Variants in ATP6V1C1 observed in about 807,000 individuals in gnomAD.
The protein encoded by ATP6V1C1 is V-type proton ATPase subunit C 1.
A neutral mutation model predicts 53.9 loss-of-function variants in ATP6V1C1; 45 were observed. The observed-to-expected ratio is 0.83, with a 90% confidence interval of 0.66 to 1.07. ATP6V1C1 has a LOEUF of 1.07. ATP6V1C1 is among the 50% of genes least tolerant of loss of function. The pLI, the probability that ATP6V1C1 is intolerant of heterozygous loss-of-function variation, is 0.00. For missense variants in ATP6V1C1, 315 were observed against 440.3 expected (o/e 0.72, Z 2.55); for synonymous variants, 153 against 155.2 (o/e 0.99, Z 0.11).
chr8:103,063,348 T>C lies in ATP6V1C1; in HGVS notation c.828+120T>C, dbSNP rs565091676. 3.2e-3 allele frequency: 2,061 copies of C among 648,658 alleles called. 12 individuals are homozygous for C. Among genetic ancestry groups the C allele is most frequent in the Non-Finnish European group, 3.9e-3 (1,552 of 392,968 alleles). 40.2% of individuals were successfully genotyped at this position (648,658 alleles called of 1,614,324 possible). A position where few individuals can be genotyped will look rare whatever the true frequency, so the allele number is the denominator to read the frequency against. ...GGTTTTAAGACATTTGATTTTAGTTTTTTTTTTTAATTGAATAATCAGAAT... is the reference window on the plus strand; with the variant it reads ...GGTTTTAAGACATTTGATTTTAGTTCTTTTTTTTAATTGAATAATCAGAAT... On this transcript the variant is annotated intron_variant, in intron 10 of 12. Transcript: ENST00000518738.
At position 103,055,407 on chromosome 8, in the gene ATP6V1C1, A is replaced by C. The variant is rs1284671154; in HGVS notation, c.573-461A>C. On this transcript the variant is annotated intron_variant, in intron 7 of 12. Transcript: ENST00000518738. ...GGTTGTTGCACAATGTTTTGTGGCA[A>C]CATAGTTTACTGTCACTTCATTTAC... 2.0e-5 allele frequency among the ~76,000 whole-genome samples: 3 copies of C among 152,148 alleles called. No homozygotes were observed. The East Asian group carries it at 5.8e-4, about 29-fold the overall frequency.
At chr8:103,022,049 A>G (rs1816606536) in intron 1 of ATP6V1C1, among the ~76,000 whole-genome samples, 1 of 152,186 alleles carries the variant, frequency 6.6e-6, no homozygotes, top group Non-Finnish European at 1.5e-5. Context: ...GTTGGAGAGA[A>G]AAGTCTACAC....
intron 1 of ATP6V1C1, among the ~76,000 whole-genome samples, chr8:103,035,452 T>C (rs1365754817): frequency 6.6e-5 from 10 of 152,200 alleles, no homozygotes; most frequent in Admixed American, 3.9e-4. Flanking sequence ...CTCTTCAGGA[T>C]TTCTCAGTAA....
At chr8:103,058,330 T>C (rs1015377773) in intron 8 of ATP6V1C1, among the ~76,000 whole-genome samples, 47 of 152,190 alleles carry the variant, frequency 3.1e-4, no homozygotes, top group African/African-American at 9.7e-4. Flanking sequence ...TCAAAGTACA[T>C]TTGGAATCAC....
At chr8:103,026,076 C>T (rs1240889915) in intron 1 of ATP6V1C1, among the ~76,000 whole-genome samples, 1 of 152,206 alleles carries the variant, frequency 6.6e-6, no homozygotes, top group Non-Finnish European at 1.5e-5. Context: ...CACTGGGTCA[C>T]CGCTGAGTTG....
intron 1 of ATP6V1C1, among the ~76,000 whole-genome samples, chr8:103,039,850 C>T (rs192111120): frequency 5.3e-5 from 8 of 151,952 alleles, no homozygotes; most frequent in East Asian, 1.9e-4. Flanking sequence ...GTTATATTAA[C>T]GCCACCCTCT....
chr8:103,066,557 T>A, intron 12 of ATP6V1C1, 110 bp downstream of exon 12: 1 of 1,233,598 alleles, frequency 8.1e-7, no homozygotes, highest in Non-Finnish European at 1.1e-6. Flanking sequence ...TTAATCATTT[T>A]TTATTACTTT....
At chr8:103,034,217 C>T (rs985781437) in intron 1 of ATP6V1C1, among the ~76,000 whole-genome samples, 2 of 152,282 alleles carry the variant, frequency 1.3e-5, no homozygotes, top group South Asian at 4.1e-4. Flanking sequence ...AGACCTGGAT[C>T]TGAGCCTTGA....
chr8:103,040,744 C>A, intron 1 of ATP6V1C1, 54 bp from the exon 2 acceptor site: 1 of 1,466,846 alleles, frequency 6.8e-7, no homozygotes, highest in Non-Finnish European at 9.2e-7. Context: ...TTCTGAAACA[C>A]TTTAGAAACA....
rs768680052 is a variant in ATP6V1C1, at chr8:103,040,788, T to C, written c.-39-10T>C. 1.3e-6 allele frequency: 2 copies of C among 1,578,324 alleles called. No homozygotes were observed. Among genetic ancestry groups the C allele is most frequent in the Non-Finnish European group, 1.7e-6 (2 of 1,163,048 alleles). Reference sequence around the variant, plus strand: ...TAAATGTGATTTTTTTTATTTGTTTTACATTTCAGAATCTCTCTTGATTTT... The same window carrying C: ...TAAATGTGATTTTTTTTATTTGTTTCACATTTCAGAATCTCTCTTGATTTT... On this transcript the variant is annotated splice_polypyrimidine_tract_variant and intron_variant, in intron 1 of 12. Transcript: ENST00000518738.
At chr8:103,056,710 C>A (rs1321385251) in intron 8 of ATP6V1C1, among the ~76,000 whole-genome samples, 1 of 152,102 alleles carries the variant, frequency 6.6e-6, no homozygotes, top group Non-Finnish European at 1.5e-5. Flanking sequence ...ATTGCCACAC[C>A]AGATATTCTT....
rs987560381 is a variant in ATP6V1C1 at position 103,070,721 on chromosome 8, A to G, written c.*1974A>G. The G allele has an allele frequency of 7.9e-5, 12 of 152,240 alleles. No homozygotes were observed. The East Asian group carries it at 1.2e-3, about 15-fold the overall frequency. The allele number at this position is 152,240 out of a possible 1,614,324, so 9.4% of individuals were successfully genotyped here. A position where few individuals can be genotyped will look rare whatever the true frequency, so the allele number is the denominator to read the frequency against. ...ACTGCATAAGGTTTAGAATCCCAGC[A>G]TATGTCTGAAACGACGGGACTTTCA... On this transcript the variant is annotated 3_prime_UTR_variant, in exon 13 of 13. Transcript: ENST00000518738.
rs1230257023 is a variant in ATP6V1C1 at position 103,072,939 on chromosome 8, CAACA to C, written c.*4197_*4200del. 6.6e-6 allele frequency: 1 copy of C among 152,180 alleles called. No homozygotes were observed. The highest frequency in any genetic ancestry group is 2.4e-5 in the African/African-American group (1 of 41,428). The allele number at this position is 152,180 out of a possible 1,614,324, so 9.4% of individuals were successfully genotyped here. A position where few individuals can be genotyped will look rare whatever the true frequency, so the allele number is the denominator to read the frequency against. On this transcript the variant is annotated 3_prime_UTR_variant, in exon 13 of 13. Coordinates refer to ENST00000518738, the MANE Select transcript of ATP6V1C1 (RefSeq NM_001695.5). ...GCTTTCAAACAAATCAGAAGGCAGT[CAACA>C]AACAGAAAGGGGGACATTCCTTCCC...
intron 8 of ATP6V1C1, among the ~76,000 whole-genome samples, chr8:103,056,988 C>T (rs1023551421): frequency 2.0e-5 from 3 of 151,580 alleles, no homozygotes; most frequent in African/African-American, 7.3e-5. Context: ...GGGTCCGTCA[C>T]TGGTAGGGTT....
At chr8:103,022,201 G>A (rs1438391605) in intron 1 of ATP6V1C1, among the ~76,000 whole-genome samples, 1 of 152,118 alleles carries the variant, frequency 6.6e-6, no homozygotes, top group Non-Finnish European at 1.5e-5. Context: ...CTTGAGTCTT[G>A]GCAAGCCCTC....
chr8:103,045,940 C>CAA (rs150464257), intron 3 of ATP6V1C1, among the ~76,000 whole-genome samples: 2 of 141,682 alleles, frequency 1.4e-5, no homozygotes, highest in Non-Finnish European at 3.1e-5. Flanking sequence ...GACTCCGTTT[C>CAA]AAAAAAAAAA....
chr8:103,024,121 C>T (rs1180931186), intron 1 of ATP6V1C1, among the ~76,000 whole-genome samples: 1 of 152,056 alleles, frequency 6.6e-6, no homozygotes, highest in Non-Finnish European at 1.5e-5. Flanking sequence ...AAGTGAGTCT[C>T]AAATTATGCT....
At position 103,070,361 on chromosome 8, in the gene ATP6V1C1, G is replaced by A. The variant is rs532941401; in HGVS notation, c.*1614G>A. On this transcript the variant is annotated 3_prime_UTR_variant, in exon 13 of 13. Coordinates refer to ENST00000518738, the MANE Select transcript of ATP6V1C1 (RefSeq NM_001695.5). ...TGGAATTTGTAGGGTCATAGGTTATGTACACTTAAGTTTTTGACACTCACT... is the reference window on the plus strand; with the variant it reads ...TGGAATTTGTAGGGTCATAGGTTATATACACTTAAGTTTTTGACACTCACT... 1 of 152,314 alleles carries A rather than the reference G, an allele frequency of 6.6e-6. No homozygotes were observed. The highest frequency in any genetic ancestry group is 1.5e-5 in the Non-Finnish European group (1 of 68,024). 9.4% of individuals were successfully genotyped at this position (152,314 alleles called of 1,614,324 possible).
At chr8:103,053,781 C>T (rs1230857190) in intron 6 of ATP6V1C1, 103 bp from the exon 7 acceptor site, 4 of 786,814 alleles carry the variant, frequency 5.1e-6, no homozygotes, top group Non-Finnish European at 6.2e-6. Flanking sequence ...TAATCCCTCT[C>T]AATGTATATA....
Sources: allele counts gnomAD v4.1 joint callset (sites outside exome capture counted in the v4.1 genomes callset), GRCh38; gene constraint gnomAD v4.1.1; transcripts MANE v1.5; gene names NCBI Gene and HGNC (gene_info 2026-07-23, HGNC 2026-07-21).